PANX2: variants seen among roughly 807,000 people sequenced by gnomAD.
PANX2 encodes the protein pannexin-2.
PANX2 carries 30 observed loss-of-function variants against 38.7 expected under a neutral mutation model. That is an observed-to-expected ratio of 0.78 (90% CI 0.58 to 1.05). The LOEUF is 1.05. Ranked by LOEUF, PANX2 falls within the 50% of genes least tolerant of loss-of-function variation. The pLI, the probability that PANX2 is intolerant of heterozygous loss-of-function variation, is 0.00. For synonymous variants in PANX2, 539 were observed against 472.1 expected (o/e 1.14, Z -1.84); for missense variants, 880 against 979.3 (o/e 0.90, Z 1.35).
At position 50,177,159 on chromosome 22, in the gene PANX2, C is replaced by G. The variant is rs369117934; in HGVS notation, c.447C>G (p.Arg149=). The G allele has an allele frequency of 1.9e-6, 3 of 1,608,420 alleles. No individual in the cohort carries two copies. The highest frequency in any genetic ancestry group is 2.5e-6 in the Non-Finnish European group (3 of 1,177,542). The change falls in exon 2 of 3, where the codon CGC becomes CGG. Residue 149 remains arginine, a synonymous_variant. Transcript: ENST00000395842. Reference sequence around the variant, plus strand: ...GCTGGGAGTTCCTGGCCTCCACGCGCCTCACCTCCGAGCTCAACTTCCTGC... The same window carrying G: ...GCTGGGAGTTCCTGGCCTCCACGCGGCTCACCTCCGAGCTCAACTTCCTGC... ...ALGWEFLAST[R]LTSELNFLLQ... is the part of the protein sequence containing the mutation.
At chr22:50,173,011 C>T (rs368401585) in intron 1 of PANX2, among the ~76,000 whole-genome samples, 2 of 148,234 alleles carry the variant, frequency 1.3e-5, no homozygotes, top group African/African-American at 2.4e-5. Context: ...ATTCTCCTGC[C>T]TCAGCCTCCC....
At chr22:50,175,495 T>C (rs753481951) in intron 1 of PANX2, 2 of 1,270,828 alleles carry the variant, frequency 1.6e-6, no homozygotes, top group South Asian at 2.5e-5. Flanking sequence ...AAATAAAATA[T>C]GCCATTTTCT....
At position 50,179,001 on chromosome 22, in the gene PANX2, G is replaced by T. The variant is rs1431670087; in HGVS notation, c.1758G>T (p.Gly586=). 1 of 1,609,442 alleles carries T rather than the reference G, an allele frequency of 6.2e-7. No homozygotes were observed. The part of the protein sequence containing the change: ...TEPARAGLPS[G]GPFHVRSPPA... ...CAGCCCGGGCAGGGCTTCCCTCGGG[G>T]GGCCCGTTCCACGTCCGCTCACCTC... is the stretch of plus-strand genomic sequence containing the variant. Residue 586 remains glycine, a synonymous_variant, in exon 3 of 3, where the codon GGG becomes GGT. Transcript: ENST00000395842.
At chr22:50,174,515 G>A (rs998442761) in intron 1 of PANX2, among the ~76,000 whole-genome samples, 3 of 152,222 alleles carry the variant, frequency 2.0e-5, no homozygotes, top group Non-Finnish European at 2.9e-5. Flanking sequence ...CTGAGGGCTG[G>A]GTGTGGACAG....
intron 2 of PANX2, among the ~76,000 whole-genome samples, chr22:50,178,717 C>G (rs1339576693): frequency 6.6e-6 from 1 of 152,184 alleles, no homozygotes; most frequent in South Asian, 2.1e-4. Context: ...CCAAGTTCCT[C>G]GGGTGAGGAA....
chr22:50,172,714 ACCACCCCC>A (rs1002975402), intron 1 of PANX2, among the ~76,000 whole-genome samples: 4 of 143,404 alleles, frequency 2.8e-5, no homozygotes, highest in African/African-American at 7.9e-5. Flanking sequence ...TCTCTTCTTC[ACCACCCCC>A]CCGCTTTTTT....
At chr22:50,178,904 T>G in intron 2 of PANX2, 30 bp from the exon 3 acceptor site, 1,373 of 1,489,694 alleles carry the variant, frequency 9.2e-4, no homozygotes, top group Non-Finnish European at 1.1e-3. Context: ...GAGGATGGTG[T>G]GAGATGTCTG....
In PANX2 at chr22:50,179,002, G is replaced by A. The variant is rs753595350; in HGVS notation, c.1759G>A (p.Gly587Ser). ...AGCCCGGGCAGGGCTTCCCTCGGGG[G>A]GCCCGTTCCACGTCCGCTCACCTCC... is the stretch of plus-strand genomic sequence containing the variant. Reference protein sequence around the residue: ...EPARAGLPSGGPFHVRSPPAA... With the variant: ...EPARAGLPSGSPFHVRSPPAA... Residue 587 changes from glycine to serine, a missense_variant, in exon 3 of 3, where the codon GGC (glycine) becomes AGC (serine). Gly to Ser is a moderately conservative substitution (Grantham distance 56). Transcript: ENST00000395842. 1.2e-6 allele frequency: 2 copies of A among 1,609,820 alleles called. No homozygotes were observed. The highest frequency in any genetic ancestry group is 3.3e-5 in the Admixed American group (2 of 59,800).
At chr22:50,174,589 C>G (rs534293345) in intron 1 of PANX2, among the ~76,000 whole-genome samples, 1 of 152,322 alleles carries the variant, frequency 6.6e-6, no homozygotes, top group East Asian at 1.9e-4. Context: ...ATCCACACAG[C>G]AATGTCTTCC....
rs2063625877 is a variant in PANX2 at position 50,170,882 on chromosome 22, A to T, written c.152A>T (p.Asp51Val). The stretch of plus-strand genomic sequence containing the variant: ...CAGCTGAAGCTGGAGCTGCCGTTCG[A>T]CCGGGTGGTCACCATCGGCACCGTG... ...LLQLKLELPF[D>V]RVVTIGTVLV... The change falls in exon 1 of 3, where the codon GAC becomes GTC. Residue 51 changes from aspartate to valine, a missense_variant. Asp to Val is a radical substitution (Grantham distance 152, BLOSUM62 -3). Around this residue, in one of 4 missense-constraint regions of PANX2, gnomAD observed 243 missense variants for 333.1 expected, o/e 0.73. Coordinates refer to ENST00000395842, the MANE Select transcript of PANX2 (RefSeq NM_052839.4). 1 of 1,517,086 alleles carries T rather than the reference A, an allele frequency of 6.6e-7. No homozygotes were observed. The highest frequency in any genetic ancestry group is 1.2e-5 in the South Asian group (1 of 81,308). 94.0% of individuals were successfully genotyped at this position (1,517,086 alleles called of 1,614,324 possible).
chr22:50,172,165 C>T (rs972159546), intron 1 of PANX2, among the ~76,000 whole-genome samples: 4 of 152,220 alleles, frequency 2.6e-5, no homozygotes, highest in Non-Finnish European at 5.9e-5. Context: ...CCAGACACCA[C>T]GTGTGTTCTC....
rs764063130 is a variant in PANX2 at position 50,178,998 on chromosome 22, G to C, written c.1755G>C (p.Ser585=). The C allele has an allele frequency of 1.2e-6, 2 of 1,608,688 alleles. No individual in the cohort carries two copies. The highest frequency in any genetic ancestry group is 2.2e-5 in the South Asian group (2 of 90,804). ...AGCCAGCCCGGGCAGGGCTTCCCTC[G>C]GGGGGCCCGTTCCACGTCCGCTCAC... ...PTEPARAGLP[S]GGPFHVRSPP... Residue 585 remains serine (S), a synonymous_variant, in exon 3 of 3, where the codon TCG becomes TCC. Transcript: ENST00000395842.
chr22:50,171,544 G>A (rs146048623), intron 1 of PANX2, among the ~76,000 whole-genome samples: 2 of 152,352 alleles, frequency 1.3e-5, no homozygotes, highest in Non-Finnish European at 2.9e-5. Flanking sequence ...TCAGAGCAGG[G>A]AGCCTGGAGC....
chr22:50,176,772 G>C (rs940861666), intron 1 of PANX2, among the ~76,000 whole-genome samples, 167 bp from the exon 2 acceptor site: 1 of 152,148 alleles, frequency 6.6e-6, no homozygotes, highest in Non-Finnish European at 1.5e-5. Flanking sequence ...CCACCGTGGT[G>C]GGGGGAGGGG....
Position 50,177,991 on chromosome 22 carries a change from C to T in PANX2, c.1279C>T (p.Arg427Cys). 1 of 1,538,704 alleles carries T rather than the reference C, an allele frequency of 6.5e-7. No homozygotes were observed. Among genetic ancestry groups the T allele is most frequent in the Non-Finnish European group, 8.7e-7 (1 of 1,147,088 alleles). Residue 427 changes from arginine (R) to cysteine (C), a missense_variant, in exon 2 of 3, where the codon CGC becomes TGC. By Grantham distance (180) the Arg-to-Cys change is radical. This residue lies in a region of PANX2 where 445 missense variants were observed against 404.3 expected (regional missense o/e 1.10). Transcript: ENST00000395842. ...AAEPPVVKRPRKKMKWIPTSN... is the reference protein window; with the variant it reads ...AAEPPVVKRPCKKMKWIPTSN... Reference sequence around the variant, plus strand: ...CGAGCCGCCCGTGGTCAAGCGGCCGCGCAAGAAGATGAAGTGGATCCCCAC... The same window carrying T: ...CGAGCCGCCCGTGGTCAAGCGGCCGTGCAAGAAGATGAAGTGGATCCCCAC...
At chr22:50,175,438 C>T (rs1031958531) in intron 1 of PANX2, 33 of 1,299,160 alleles carry the variant, frequency 2.5e-5, no homozygotes, top group African/African-American at 9.1e-5. Context: ...CCAGGGTGGA[C>T]GCTCTTCTCT....
chr22:50,174,901 T>C (rs1343192531), intron 1 of PANX2, among the ~76,000 whole-genome samples: 1 of 152,172 alleles, frequency 6.6e-6, no homozygotes, highest in Non-Finnish European at 1.5e-5. Context: ...CAGCACAGCT[T>C]TGAGTCCGTC....
At chr22:50,173,233 A>G (rs1045668332) in intron 1 of PANX2, among the ~76,000 whole-genome samples, 1 of 151,706 alleles carries the variant, frequency 6.6e-6, no homozygotes, top group Non-Finnish European at 1.5e-5. Flanking sequence ...GGGTTTTGCC[A>G]TGTTGGCCAG....
chr22:50,174,049 C>T (rs1481128247), intron 1 of PANX2, among the ~76,000 whole-genome samples: 5 of 152,302 alleles, frequency 3.3e-5, no homozygotes, highest in African/African-American at 1.2e-4. Context: ...GTCTGTAAGG[C>T]CAGGGGAGTC....
Sources: allele counts gnomAD v4.1 joint callset (sites outside exome capture counted in the v4.1 genomes callset), GRCh38; gene constraint gnomAD v4.1.1; regional missense constraint gnomAD v4.1.1; transcripts MANE v1.5; gene names NCBI Gene and HGNC (gene_info 2026-07-23, HGNC 2026-07-21).